The following TMEM178B variants were observed in gnomAD, a reference collection of about 807,000 sequenced individuals.
TMEM178B encodes the protein transmembrane protein 178B.
Under a neutral mutation model 31.0 loss-of-function variants are expected in TMEM178B, and 5 were observed. The observed-to-expected ratio is 0.16, with a 90% CI of 0.08 to 0.34. The LOEUF is 0.34. Ranked by LOEUF, TMEM178B falls within the 10% of genes least tolerant of loss-of-function variation. The pLI is 1.00. For missense variants in TMEM178B, 275 were observed against 400.3 expected (o/e 0.69, Z 2.67); for synonymous variants, 164 against 164.0 (o/e 1.00, Z 0.00).
intron 1 of TMEM178B, among the ~76,000 whole-genome samples, chr7:141,154,640 T>A (rs1413060082): frequency 6.6e-6 from 1 of 152,092 alleles, no homozygotes; most frequent in East Asian, 1.9e-4. Flanking sequence ...GGATCCACGG[T>A]GGCCCTTGGA....
intron 1 of TMEM178B, among the ~76,000 whole-genome samples, chr7:141,144,505 G>A (rs567046199): frequency 6.6e-6 from 1 of 152,308 alleles, no homozygotes; most frequent in East Asian, 1.9e-4. Context: ...AGCTAGAGAT[G>A]TGACATGGTA....
intron 1 of TMEM178B, among the ~76,000 whole-genome samples, chr7:141,126,614 G>A (rs925060059): frequency 1.3e-4 from 20 of 152,170 alleles, no homozygotes; most frequent in African/African-American, 4.8e-4. Flanking sequence ...CACTGCTTTA[G>A]CAATGGGCCA....
chr7:141,111,716 A>AG (rs1795237357), intron 1 of TMEM178B, among the ~76,000 whole-genome samples: 1 of 152,206 alleles, frequency 6.6e-6, no homozygotes, highest in South Asian at 2.1e-4. Flanking sequence ...ATTAAAGAGA[A>AG]GGAGGAATGG....
At chr7:141,470,408 G>A in intron 3 of TMEM178B, 128 bp from the exon 4 acceptor site, 1 of 969,426 alleles carries the variant, frequency 1.0e-6, no homozygotes, top group Non-Finnish European at 1.5e-6. Flanking sequence ...CTCTTACCTA[G>A]ACTTCCCATT....
At chr7:141,111,754 T>C (rs1795237691) in intron 1 of TMEM178B, among the ~76,000 whole-genome samples, 1 of 152,194 alleles carries the variant, frequency 6.6e-6, no homozygotes, top group African/African-American at 2.4e-5. Context: ...CTTAATCATT[T>C]CCTCAGATAG....
At chr7:141,291,872 C>T (rs1360754732) in intron 2 of TMEM178B, among the ~76,000 whole-genome samples, 1 of 151,600 alleles carries the variant, frequency 6.6e-6, no homozygotes, top group African/African-American at 2.4e-5. Context: ...TTTCTCTTCA[C>T]CTAAATGTGG....
rs560113541 is a variant in TMEM178B, at chr7:141,421,123, A to C, written c.497-16485A>C. On this transcript the variant is annotated intron_variant, in intron 2 of 3. Transcript: ENST00000565468. Reference sequence around the variant, plus strand: ...CTCATTTTTCCTGCCATATTGCTTGATCCTGCCCTCCTATGCAATGGGCTT... The same window carrying C: ...CTCATTTTTCCTGCCATATTGCTTGCTCCTGCCCTCCTATGCAATGGGCTT... 2.0e-5 allele frequency among the ~76,000 whole-genome samples: 3 copies of C among 152,238 alleles called. No individual in the cohort carries two copies. The East Asian group carries it at 5.8e-4, about 29-fold the overall frequency.
chr7:141,303,554 A>G (rs1198523642), intron 2 of TMEM178B, among the ~76,000 whole-genome samples: 1 of 152,188 alleles, frequency 6.6e-6, no homozygotes, highest in African/African-American at 2.4e-5. Context: ...CGCCATGCTC[A>G]GCTGTGAGTG....
At chr7:141,425,550 C>T (rs1801297167) in intron 2 of TMEM178B, among the ~76,000 whole-genome samples, 1 of 152,216 alleles carries the variant, frequency 6.6e-6, no homozygotes, top group African/African-American at 2.4e-5. Flanking sequence ...TCCTTTCATC[C>T]TTCCCTTCTG....
intron 3 of TMEM178B, among the ~76,000 whole-genome samples, chr7:141,457,493 T>C (rs1445960567): frequency 1.3e-5 from 2 of 152,170 alleles, no homozygotes; most frequent in African/African-American, 4.8e-5. Flanking sequence ...TAATTCAGTC[T>C]ATGCCTGAAT....
chr7:141,271,512 T>A (rs1215824083), intron 2 of TMEM178B, among the ~76,000 whole-genome samples: 1 of 151,976 alleles, frequency 6.6e-6, no homozygotes, highest in Admixed American at 6.6e-5. Context: ...ATAGGAAGAG[T>A]CTGCTGGTAT....
At chr7:141,393,564 T>C (rs1800584012) in intron 2 of TMEM178B, among the ~76,000 whole-genome samples, 3 of 152,234 alleles carry the variant, frequency 2.0e-5, no homozygotes, top group African/African-American at 4.8e-5. Flanking sequence ...CAGAGCTCAG[T>C]GCTCTTCATG....
intron 1 of TMEM178B, among the ~76,000 whole-genome samples, chr7:141,079,855 G>A (rs556344624): frequency 2.2e-4 from 34 of 152,252 alleles, no homozygotes; most frequent in Admixed American, 1.8e-3. Context: ...AAATTTGAGG[G>A]AACTGAGGCA....
intron 1 of TMEM178B, among the ~76,000 whole-genome samples, chr7:141,144,586 T>C (rs552840246): frequency 1.4e-4 from 21 of 152,274 alleles, no homozygotes; most frequent in African/African-American, 3.6e-4. Flanking sequence ...CAAACGATGC[T>C]GGGAGGCCTG....
chr7:141,224,772 G>A (rs971688092), intron 2 of TMEM178B, among the ~76,000 whole-genome samples: 10 of 152,238 alleles, frequency 6.6e-5, no homozygotes, highest in African/African-American at 9.6e-5. Flanking sequence ...AGAAGGAGAA[G>A]TCAGGCTGGG....
intron 2 of TMEM178B, among the ~76,000 whole-genome samples, chr7:141,370,979 T>C (rs1270331296): frequency 6.6e-6 from 1 of 152,218 alleles, no homozygotes; most frequent in Non-Finnish European, 1.5e-5. Context: ...ACCAGAACAC[T>C]GTACTGTGTA....
At chr7:141,186,247 G>A (rs185838668) in intron 1 of TMEM178B, among the ~76,000 whole-genome samples, 2 of 152,292 alleles carry the variant, frequency 1.3e-5, no homozygotes, top group Admixed American at 1.3e-4. Flanking sequence ...AGCAGGTGGT[G>A]CCAATAGCCC....
chr7:141,087,916 A>G (rs546305166), intron 1 of TMEM178B, among the ~76,000 whole-genome samples: 40 of 152,318 alleles, frequency 2.6e-4, no homozygotes, highest in African/African-American at 8.4e-4. Flanking sequence ...CTGGCCTCTC[A>G]TTACCAAGGG....
chr7:141,245,210 A>AAAAAAAAAAG (rs1797708645), intron 2 of TMEM178B, among the ~76,000 whole-genome samples: 1 of 121,008 alleles, frequency 8.3e-6, no homozygotes, highest in African/African-American at 3.3e-5. Context: ...AAAAAAAAAA[A>AAAAAAAAAAG]GAAGGATGCA....
Sources: allele counts gnomAD v4.1 joint callset (sites outside exome capture counted in the v4.1 genomes callset), GRCh38; gene constraint gnomAD v4.1.1; transcripts MANE v1.5; gene names NCBI Gene and HGNC (gene_info 2026-07-23, HGNC 2026-07-21).